SH2B3: variants seen among roughly 807,000 people sequenced by gnomAD.
SH2B3 encodes SH2B adaptor protein 3.
Under a neutral mutation model 51.9 loss-of-function variants are expected in SH2B3, and 43 were observed. The ratio of observed to expected loss-of-function variants is 0.83; its 90% CI spans 0.65 to 1.07. SH2B3 has a LOEUF of 1.07. SH2B3 is among the 50% of genes least tolerant of loss of function. The pLI is 0.00. For missense variants in SH2B3, 952 were observed against 834.3 expected (o/e 1.14, Z -1.74); for synonymous variants, 396 against 376.0 (o/e 1.05, Z -0.62).
At chr12:111,405,427 C>G (rs556670732), upstream of SH2B3, among the ~76,000 whole-genome samples, 2 of 152,210 alleles carry the variant, frequency 1.3e-5, no homozygotes, top group African/African-American at 4.8e-5. The surrounding 1 kb of genome is among the most constrained non-coding windows in gnomAD (Gnocchi z 5.4). Flanking sequence ...CGCTATTGCA[C>G]CGCCCAGCCC....
intron 1 of SH2B3, among the ~76,000 whole-genome samples, chr12:111,408,980 C>T (rs1870465635): frequency 6.6e-6 from 1 of 152,214 alleles, no homozygotes; most frequent in South Asian, 2.1e-4. Context: ...AAACAAGAGG[C>T]TTTTCCTGCT....
At chr12:111,416,947 G>A (rs1463942494) in intron 1 of SH2B3, among the ~76,000 whole-genome samples, 1 of 152,200 alleles carries the variant, frequency 6.6e-6, no homozygotes, top group Non-Finnish European at 1.5e-5. Flanking sequence ...GGATGAGTTT[G>A]CTTCTGCCAG....
intron 2 of SH2B3, among the ~76,000 whole-genome samples, chr12:111,439,293 G>GC (rs1425916941): frequency 1.3e-5 from 2 of 152,142 alleles, no homozygotes; most frequent in Non-Finnish European, 2.9e-5. Context: ...GGGATTATAG[G>GC]CATGTGTCAT....
At chr12:111,427,599 G>A (rs561355396) in intron 2 of SH2B3, among the ~76,000 whole-genome samples, 9 of 152,192 alleles carry the variant, frequency 5.9e-5, no homozygotes, top group African/African-American at 1.4e-4. Flanking sequence ...AGACCTTCCC[G>A]GGGAGGTGGG....
intron 2 of SH2B3, among the ~76,000 whole-genome samples, chr12:111,432,954 C>T (rs915832663): frequency 1.3e-5 from 2 of 152,218 alleles, no homozygotes; most frequent in Admixed American, 6.5e-5. Flanking sequence ...ATGAATAATG[C>T]TGCTATGAAC....
At chr12:111,416,535 C>A (rs570404117) in intron 1 of SH2B3, among the ~76,000 whole-genome samples, 1 of 151,900 alleles carries the variant, frequency 6.6e-6, no homozygotes, top group East Asian at 1.9e-4. Context: ...GCTCTATCAC[C>A]CAGGCTGGAG....
Position 111,434,912 on chromosome 12 carries a change from C to T in SH2B3, c.733-11841C>T, listed in dbSNP as rs1593060279. ...GGAGCTCAGAAGGACATGGGATTCC[C>T]GGTGCTGTGCCGTGGCTGGAGGAGG... On this transcript the variant is annotated intron_variant, in intron 2 of 7. Coordinates refer to ENST00000341259, the MANE Select transcript of SH2B3 (RefSeq NM_005475.3). 5 of 1,535,610 alleles carry T rather than the reference C, an allele frequency of 3.3e-6. No homozygotes were observed. The East Asian group carries it at 7.3e-5, about 23-fold the overall frequency.
intron 1 of SH2B3, among the ~76,000 whole-genome samples, chr12:111,416,157 T>G (rs1871072561): frequency 6.6e-6 from 1 of 151,880 alleles, no homozygotes. Flanking sequence ...TTAGCCAGGA[T>G]AGTCTTGATC....
chr12:111,451,254 A>C lies in SH2B3; in HGVS notation c.*2952A>C, dbSNP rs1022664438. ...TTGGGCCAGAGAACACTATTTTTAC[A>C]TAACAGTTTCTTAACCTAAAGTCAA... On this transcript the variant is annotated 3_prime_UTR_variant, in exon 8 of 8. Coordinates refer to ENST00000341259, the MANE Select transcript of SH2B3 (RefSeq NM_005475.3). 6.5e-6 allele frequency: 1 copy of C among 152,690 alleles called. No individual in the cohort carries two copies. The highest frequency in any genetic ancestry group is 1.5e-5 in the Non-Finnish European group (1 of 68,052). The allele number at this position is 152,690 out of a possible 1,614,324, so 9.5% of individuals were successfully genotyped here.
Position 111,409,265 on chromosome 12 carries a change from G to C in SH2B3, c.-28+2988G>C, listed in dbSNP as rs1007465452. ...ACAGGTCTTTTTGTCTATGAAATAG[G>C]GGGGTTGCCAACTCCCTGTTAGGGT... On this transcript the variant is annotated intron_variant, in intron 1 of 7. Coordinates refer to ENST00000341259, the MANE Select transcript of SH2B3 (RefSeq NM_005475.3). This position sits in a 1 kb window ranked among gnomAD's most constrained non-coding sequence, Gnocchi z 4.0. Among the ~76,000 whole-genome samples, 1 of 152,190 alleles carries C rather than the reference G, an allele frequency of 6.6e-6. No individual in the cohort carries two copies. Among genetic ancestry groups the C allele is most frequent in the African/African-American group, 2.4e-5 (1 of 41,450 alleles).
chr12:111,430,929 C>G (rs1277925639), intron 2 of SH2B3, among the ~76,000 whole-genome samples: 1 of 151,970 alleles, frequency 6.6e-6, no homozygotes, highest in Non-Finnish European at 1.5e-5. Context: ...CTGGCTGGCC[C>G]CATTGGCGCT....
At chr12:111,423,870 T>TG (rs1170587171) in intron 2 of SH2B3, among the ~76,000 whole-genome samples, 1 of 151,982 alleles carries the variant, frequency 6.6e-6, no homozygotes, top group Non-Finnish European at 1.5e-5. Flanking sequence ...CCCAGCACTT[T>TG]GGGAGGCTGA....
intron 2 of SH2B3, among the ~76,000 whole-genome samples, chr12:111,436,126 G>A (rs1872853403): frequency 6.6e-6 from 1 of 152,178 alleles, no homozygotes; most frequent in Non-Finnish European, 1.5e-5. Context: ...CGCAGCTCCC[G>A]GTGCCTGACA....
At chr12:111,426,433 C>T (rs1224529361) in intron 2 of SH2B3, among the ~76,000 whole-genome samples, 1 of 149,756 alleles carries the variant, frequency 6.7e-6, no homozygotes, top group Non-Finnish European at 1.5e-5. Context: ...GCTATGTTGC[C>T]CAGGCTGGCC....
Position 111,418,140 on chromosome 12 carries a change from T to TC in SH2B3, c.-4dup. 1 of 1,495,196 alleles carries TC rather than the reference T, an allele frequency of 6.7e-7. No individual in the cohort carries two copies. Among genetic ancestry groups the TC allele is most frequent in the Non-Finnish European group, 8.8e-7 (1 of 1,135,886 alleles). 92.6% of individuals were successfully genotyped at this position (1,495,196 alleles called of 1,614,324 possible). A position where few individuals can be genotyped will look rare whatever the true frequency, so the allele number is the denominator to read the frequency against. On this transcript the variant is annotated 5_prime_UTR_variant, in exon 2 of 8. Coordinates refer to ENST00000341259, the MANE Select transcript of SH2B3 (RefSeq NM_005475.3). This position sits in a 1 kb window ranked among gnomAD's most constrained non-coding sequence, Gnocchi z 6.7. The stretch of plus-strand genomic sequence containing the variant: ...TCAGCCCGGCCGCACCACCTGGGTC[T>TC]CCGCCATGAACGGGCCTGCCCTGCA...
At position 111,450,986 on chromosome 12, in the gene SH2B3, G is replaced by C. The variant is rs1451799350; in HGVS notation, c.*2684G>C. The C allele has an allele frequency of 6.6e-6, 1 of 152,524 alleles. No individual in the cohort carries two copies. Among genetic ancestry groups the C allele is most frequent in the Non-Finnish European group, 1.5e-5 (1 of 68,078 alleles). 9.4% of individuals were successfully genotyped at this position (152,524 alleles called of 1,614,324 possible). The stretch of plus-strand genomic sequence containing the variant: ...CACCAAACTGGACAGTAGACATCAT[G>C]ATCCCTCCAGTTAGCTCTAATTACA... On this transcript the variant is annotated 3_prime_UTR_variant, in exon 8 of 8. Coordinates refer to ENST00000341259, the MANE Select transcript of SH2B3 (RefSeq NM_005475.3).
At chr12:111,433,751 C>T (rs143052394) in intron 2 of SH2B3, among the ~76,000 whole-genome samples, 68 of 152,208 alleles carry the variant, frequency 4.5e-4, no homozygotes, top group African/African-American at 1.6e-3. Flanking sequence ...CACTACACTA[C>T]GTGATGTGGT....
intron 2 of SH2B3, among the ~76,000 whole-genome samples, chr12:111,431,502 C>A (rs540946380): frequency 7.3e-5 from 11 of 151,178 alleles, no homozygotes; most frequent in Admixed American, 2.6e-4. Context: ...AAAAAAAAAA[C>A]AGTAACAGAA....
At position 111,435,604 on chromosome 12, in the gene SH2B3, C is replaced by G. The variant is rs1021225132; in HGVS notation, c.733-11149C>G. ...GAACTCCTGACCTCAAGTGATCCGC[C>G]CATCTTGACCTCCCAAAGTGCTCGT... On this transcript the variant is annotated intron_variant, in intron 2 of 7. Transcript: ENST00000341259. This position sits in a 1 kb window ranked among gnomAD's most constrained non-coding sequence, Gnocchi z 4.8. Among the ~76,000 whole-genome samples the G allele has an allele frequency of 6.6e-6, 1 of 152,162 alleles. No individual in the cohort carries two copies. The highest frequency in any genetic ancestry group is 1.5e-5 in the Non-Finnish European group (1 of 68,020).
Sources: allele counts gnomAD v4.1 joint callset (sites outside exome capture counted in the v4.1 genomes callset), GRCh38; gene constraint gnomAD v4.1.1; non-coding constraint Gnocchi (gnomAD v3.1); transcripts MANE v1.5; gene names NCBI Gene and HGNC (gene_info 2026-07-23, HGNC 2026-07-21).